Variants in LMBR1 observed in about 807,000 individuals in gnomAD.
LMBR1 encodes the protein limb development membrane protein 1.
In LMBR1, 52 loss-of-function variants were observed where a neutral mutation model predicts 73.9. The observed-to-expected ratio is 0.70, with a 90% CI of 0.56 to 0.89. The LOEUF is 0.89. LMBR1 is among the 40% of genes least tolerant of loss of function. LMBR1 has a pLI of 0.00. For missense variants in LMBR1, 539 were observed against 579.8 expected (o/e 0.93, Z 0.72); for synonymous variants, 215 against 209.4 (o/e 1.03, Z -0.23).
At chr7:156,671,675 T>G (rs972288489) in intron 4 of LMBR1, among the ~76,000 whole-genome samples, 1 of 152,166 alleles carries the variant, frequency 6.6e-6, no homozygotes, top group African/African-American at 2.4e-5. Context: ...GGCGGTCCTG[T>G]CGCCCAGCTC....
downstream of LMBR1, among the ~76,000 whole-genome samples, chr7:156,675,270 C>T (rs1048275003): frequency 6.6e-6 from 1 of 152,238 alleles, no homozygotes; most frequent in African/African-American, 2.4e-5. Flanking sequence ...GTGGGAACCA[C>T]GGCAAGGCCT....
chr7:156,676,621 G>A (rs746501649), downstream of LMBR1: 26 of 1,613,820 alleles, frequency 1.6e-5, 1 homozygote, highest in Admixed American at 1.2e-4. Flanking sequence ...CCTCTCTGCC[G>A]CTCCTGCTAC....
intron 9 of LMBR1, among the ~76,000 whole-genome samples, chr7:156,755,716 G>A (rs1321734474): frequency 6.6e-6 from 1 of 152,184 alleles, no homozygotes; most frequent in Non-Finnish European, 1.5e-5. Context: ...AAGTTTATCT[G>A]TATCGAATTA....
intron 4 of LMBR1, among the ~76,000 whole-genome samples, chr7:156,809,448 G>A (rs1159845870): frequency 6.6e-6 from 1 of 152,022 alleles, no homozygotes; most frequent in Non-Finnish European, 1.5e-5. Flanking sequence ...AAAATGGCAT[G>A]GTATTTGCAT....
chr7:156,707,402 C>A (rs1243902286), intron 15 of LMBR1, among the ~76,000 whole-genome samples: 1 of 152,180 alleles, frequency 6.6e-6, no homozygotes, highest in African/African-American at 2.4e-5. Context: ...CCAAATCACT[C>A]TGATACCCAA....
At chr7:156,836,709 T>A in intron 2 of LMBR1, 104 bp downstream of exon 2, 1 of 651,192 alleles carries the variant, frequency 1.5e-6, no homozygotes, top group Non-Finnish European at 2.5e-6. Flanking sequence ...ATCACCGGCA[T>A]ATTCAATACA....
intron 4 of LMBR1, among the ~76,000 whole-genome samples, chr7:156,809,777 A>C (rs1318245617): frequency 6.6e-6 from 1 of 152,174 alleles, no homozygotes; most frequent in Non-Finnish European, 1.5e-5. Context: ...TCTGAACTTA[A>C]CGTGTCTCTT....
At chr7:156,758,957 C>A (rs1417637905) in intron 8 of LMBR1, among the ~76,000 whole-genome samples, 2 of 152,086 alleles carry the variant, frequency 1.3e-5, no homozygotes, top group African/African-American at 4.8e-5. Flanking sequence ...GCAGGGTTAC[C>A]AAAGAAATGT....
At chr7:156,775,894 T>C (rs1169409196) in intron 5 of LMBR1, among the ~76,000 whole-genome samples, 1 of 151,880 alleles carries the variant, frequency 6.6e-6, no homozygotes, top group Non-Finnish European at 1.5e-5. Flanking sequence ...CAGAAGTAAA[T>C]TGCTTGGGTC....
intron 9 of LMBR1, among the ~76,000 whole-genome samples, chr7:156,738,299 C>A (rs1481560595): frequency 6.6e-6 from 1 of 152,152 alleles, no homozygotes; most frequent in African/African-American, 2.4e-5. Context: ...CCAGCCCTAG[C>A]CAGAAAGAAA....
At chr7:156,808,144 C>A (rs1832464012) in intron 4 of LMBR1, among the ~76,000 whole-genome samples, 1 of 152,046 alleles carries the variant, frequency 6.6e-6, no homozygotes, top group South Asian at 2.1e-4. Flanking sequence ...TAGTATTATT[C>A]AAATCTTCTA....
intron 5 of LMBR1, 60 bp from the exon 6 acceptor site, chr7:156,763,855 T>A (rs1823594423): frequency 7.1e-7 from 1 of 1,405,602 alleles, no homozygotes; most frequent in South Asian, 1.4e-5. Context: ...AACAATAAGG[T>A]TTCTGCCTAT....
At chr7:156,745,891 A>C (rs2132653597) in intron 9 of LMBR1, among the ~76,000 whole-genome samples, 1 of 152,350 alleles carries the variant, frequency 6.6e-6, no homozygotes, top group Non-Finnish European at 1.5e-5. Flanking sequence ...TTATCACTTT[A>C]CTTGTTAATA....
At chr7:156,705,537 G>T (rs1810733251) in intron 15 of LMBR1, among the ~76,000 whole-genome samples, 1 of 152,152 alleles carries the variant, frequency 6.6e-6, no homozygotes, top group South Asian at 2.1e-4. Context: ...CCAGCTGGGA[G>T]ACACAGTGAG....
At chr7:156,735,651 T>C (rs1393256783) in intron 9 of LMBR1, among the ~76,000 whole-genome samples, 1 of 151,890 alleles carries the variant, frequency 6.6e-6, no homozygotes, top group East Asian at 1.9e-4. Context: ...TCCTAGACTG[T>C]TACATCTTCC....
chr7:156,835,186 C>T (rs1036870555), intron 2 of LMBR1, among the ~76,000 whole-genome samples: 1 of 152,030 alleles, frequency 6.6e-6, no homozygotes, highest in Non-Finnish European at 1.5e-5. Flanking sequence ...GCCCCTCCTT[C>T]TTAAATGCCT....
chr7:156,892,777 AG>A (rs1803363849), intron 1 of LMBR1, 150 bp downstream of exon 1: 4 of 288,062 alleles, frequency 1.4e-5, no homozygotes, highest in African/African-American at 6.3e-5. Context: ...AGGGGAGAGG[AG>A]GGGTGGGGAG....
At chr7:156,873,124 C>T (rs1016480656) in intron 1 of LMBR1, among the ~76,000 whole-genome samples, 3 of 152,150 alleles carry the variant, frequency 2.0e-5, no homozygotes, top group African/African-American at 7.2e-5. Context: ...CGGACTCTTG[C>T]GGTGAGTGTT....
At chr7:156,790,738 A>C (rs184708428) in intron 5 of LMBR1, among the ~76,000 whole-genome samples, 4,837 of 152,234 alleles carry the variant, frequency 0.032, 123 homozygotes, top group South Asian at 0.084. Flanking sequence ...CATTTCCTGA[A>C]CTAAATGATT....
Sources: gnomAD v4.1 joint callset for allele counts (sites outside exome capture counted in the v4.1 genomes callset) on GRCh38, gnomAD v4.1.1 for gene constraint, MANE v1.5 for transcripts, NCBI Gene and HGNC (gene_info 2026-07-23, HGNC 2026-07-21) for gene names.